Variants in CXADR observed in about 807,000 individuals in gnomAD.
CXADR encodes the protein coxsackievirus and adenovirus receptor.
In CXADR, 20 loss-of-function variants were observed where a neutral mutation model predicts 40.3. The ratio of observed to expected loss-of-function variants is 0.50; its 90% CI spans 0.35 to 0.72. The LOEUF is 0.72. CXADR is among the 30% of genes least tolerant of loss of function. CXADR has a pLI of 0.01. For synonymous variants in CXADR, 150 were observed against 161.3 expected (o/e 0.93, Z 0.53); for missense variants, 332 against 449.1 (o/e 0.74, Z 2.36).
chr21:17,514,812 T>C (rs2060439394), intron 1 of CXADR, among the ~76,000 whole-genome samples: 1 of 151,816 alleles, frequency 6.6e-6, no homozygotes, highest in South Asian at 2.1e-4. Context: ...TTTTTTATTT[T>C]TAGTAGAAAC....
chr21:17,533,038 G>A (rs2060697979), intron 1 of CXADR, among the ~76,000 whole-genome samples: 1 of 152,126 alleles, frequency 6.6e-6, no homozygotes, highest in South Asian at 2.1e-4. Flanking sequence ...ATACAGGGGA[G>A]GAGAAGAAAT....
Position 17,541,617 on chromosome 21 carries a change from ATT to A in CXADR, c.44-5394_44-5393del, listed in dbSNP as rs35505180. On this transcript the variant is annotated intron_variant, in intron 1 of 6. Coordinates refer to ENST00000284878, the MANE Select transcript of CXADR (RefSeq NM_001338.5). ...TTCCCTCTTTCCCCTGCATCTGTTG[ATT>A]TTTTTTTTTTTTTTTACTCTCTGTA... 6.3e-3 allele frequency among the ~76,000 whole-genome samples: 872 copies of A among 138,830 alleles called. 7 individuals are homozygous for A. The highest frequency in any genetic ancestry group is 0.037 in the Middle Eastern group (10 of 272). 91.1% of individuals were successfully genotyped at this position (138,830 alleles called of 152,430 possible).
At chr21:17,619,029 T>C in the CXADR span, among the ~76,000 whole-genome samples, 1 of 152,210 alleles carries the variant, frequency 6.6e-6, no homozygotes, top group Non-Finnish European at 1.5e-5. Flanking sequence ...TTCTGAGCAA[T>C]AAGTCACTTA....
chr21:17,518,793 G>T lies in CXADR; in HGVS notation c.43+5621G>T. ...AAGCTTGGACTTTGGGATTGTTGAA[G>T]TGAATAACTGTCCCATCATCTTTAA... On this transcript the variant is annotated intron_variant, in intron 1 of 6. Coordinates refer to ENST00000284878, the MANE Select transcript of CXADR (RefSeq NM_001338.5). 1.9e-6 allele frequency: 3 copies of T among 1,571,164 alleles called. No individual in the cohort carries two copies. The Admixed American group carries it at 5.0e-5, about 26-fold the overall frequency.
intron 7 of CXADR, among the ~76,000 whole-genome samples, chr21:17,577,692 A>G (rs1203068136): frequency 6.8e-6 from 1 of 146,818 alleles, no homozygotes; most frequent in African/African-American, 2.5e-5. Flanking sequence ...GGTAAGGAAA[A>G]AAAGTGAACT....
chr21:17,553,614 C>CTTTTTTTTTT (rs10710377), intron 3 of CXADR, among the ~76,000 whole-genome samples: 6 of 128,272 alleles, frequency 4.7e-5, no homozygotes, highest in Non-Finnish European at 5.1e-5. Context: ...GGTCCGAATT[C>CTTTTTTTTTT]TTTTTTTTTT....
chr21:17,631,686 G>A, the CXADR span, among the ~76,000 whole-genome samples: 4 of 152,068 alleles, frequency 2.6e-5, no homozygotes, highest in Non-Finnish European at 5.9e-5. Flanking sequence ...AATGATTTTA[G>A]CTTTCTATAT....
chr21:17,567,986 C>A lies in CXADR; in HGVS notation c.*2294C>A, dbSNP rs926757900. The A allele has an allele frequency of 5.6e-5, 55 of 984,748 alleles. No homozygotes were observed. The highest frequency in any genetic ancestry group is 1.2e-4 in the Admixed American group (2 of 16,242). The allele number at this position is 984,748 out of a possible 1,614,324, so 61.0% of individuals were successfully genotyped here. ...TTCTGTCAGCCAAATAGTACCAATA[C>A]GTTTTCAAGTAGTTCTCACTGATAA... On this transcript the variant is annotated 3_prime_UTR_variant, in exon 7 of 7. Coordinates refer to ENST00000284878, the MANE Select transcript of CXADR (RefSeq NM_001338.5).
intron 1 of CXADR, chr21:17,542,986 A>G (rs1388495430): frequency 1.6e-5 from 5 of 310,090 alleles, no homozygotes; most frequent in African/African-American, 1.1e-4. Flanking sequence ...GAAACCCAGG[A>G]ACTGTTTTAT....
At chr21:17,518,713 G>GT (rs1286551198) in intron 1 of CXADR, 1 of 1,606,836 alleles carries the variant, frequency 6.2e-7, no homozygotes, top group African/African-American at 1.3e-5. Context: ...TATCATTTCT[G>GT]TGATTGGTTT....
intron 1 of CXADR, among the ~76,000 whole-genome samples, chr21:17,541,395 A>G (rs1460891103): frequency 1.3e-5 from 2 of 151,532 alleles, no homozygotes; most frequent in East Asian, 1.9e-4. Context: ...TACTAAAAAT[A>G]CAAAAAAAAA....
At chr21:17,588,632 A>G (rs1307062769) in intron 7 of CXADR, among the ~76,000 whole-genome samples, 2 of 152,090 alleles carry the variant, frequency 1.3e-5, no homozygotes, top group Non-Finnish European at 2.9e-5. Context: ...TCTGTATATA[A>G]ATGTTTCTGG....
At chr21:17,589,367 A>G (rs1255266596) in intron 7 of CXADR, among the ~76,000 whole-genome samples, 3 of 152,120 alleles carry the variant, frequency 2.0e-5, no homozygotes, top group Non-Finnish European at 2.9e-5. Flanking sequence ...GCTAAAAATA[A>G]ATCCATTGAA....
chr21:17,586,245 C>G (rs558295609), intron 7 of CXADR, among the ~76,000 whole-genome samples: 9 of 151,712 alleles, frequency 5.9e-5, no homozygotes, highest in South Asian at 2.1e-4. Flanking sequence ...ATATACAGAC[C>G]CTTTTTGTAT....
intron 1 of CXADR, among the ~76,000 whole-genome samples, chr21:17,528,811 CAG>C (rs1370606293): frequency 1.3e-5 from 2 of 152,110 alleles, no homozygotes; most frequent in Non-Finnish European, 2.9e-5. Context: ...TCCTTAATAT[CAG>C]TGAGGCCTCC....
chr21:17,546,328 A>G (rs1041444428), intron 1 of CXADR, among the ~76,000 whole-genome samples: 2 of 152,210 alleles, frequency 1.3e-5, no homozygotes, highest in Non-Finnish European at 2.9e-5. Flanking sequence ...TTTGTATGAC[A>G]TGACTGACCG....
the CXADR span, among the ~76,000 whole-genome samples, chr21:17,602,732 C>G: frequency 2.6e-5 from 4 of 152,214 alleles, no homozygotes; most frequent in South Asian, 8.3e-4. Context: ...AGCAAAGTAG[C>G]AGTTTTTTCC....
At chr21:17,549,990 C>T (rs1301253260) in intron 2 of CXADR, among the ~76,000 whole-genome samples, 4 of 152,064 alleles carry the variant, frequency 2.6e-5, no homozygotes, top group African/African-American at 7.2e-5. Flanking sequence ...AGCTGTGGAC[C>T]CGTCAACTAC....
chr21:17,628,746 G>A, the CXADR span, among the ~76,000 whole-genome samples: 9 of 152,162 alleles, frequency 5.9e-5, no homozygotes, highest in East Asian at 1.4e-3. Context: ...CAGGCAATCC[G>A]CCCTCCTCGG....
Sources: gnomAD v4.1 joint callset for allele counts (sites outside exome capture counted in the v4.1 genomes callset) on GRCh38, gnomAD v4.1.1 for gene constraint, MANE v1.5 for transcripts, NCBI Gene and HGNC (gene_info 2026-07-23, HGNC 2026-07-21) for gene names.